The following ZNF385B variants were observed in gnomAD, a reference collection of about 807,000 sequenced individuals.
ZNF385B encodes the protein zinc finger protein 385B.
ZNF385B carries 23 observed loss-of-function variants against 39.2 expected under a neutral mutation model. The observed-to-expected ratio is 0.59, with a 90% CI of 0.42 to 0.83. The LOEUF is 0.83. Among genes scored for constraint, ZNF385B ranks in the 40% least tolerant of loss-of-function variants. The probability of loss-of-function intolerance (pLI) is 0.00; values close to 1 mark genes in which losing one functional copy is unlikely to be tolerated. For missense variants in ZNF385B, 552 were observed against 598.9 expected (o/e 0.92, Z 0.82); for synonymous variants, 205 against 222.6 (o/e 0.92, Z 0.70).
chr2:179,457,390 A>G (rs1463526130), intron 6 of ZNF385B, among the ~76,000 whole-genome samples: 3 of 152,220 alleles, frequency 2.0e-5, no homozygotes, highest in South Asian at 2.1e-4. Flanking sequence ...TGTTATGTAT[A>G]TATACATAGT....
At chr2:179,697,044 C>T (rs1292573367) in intron 3 of ZNF385B, among the ~76,000 whole-genome samples, 1 of 152,160 alleles carries the variant, frequency 6.6e-6, no homozygotes, top group African/African-American at 2.4e-5. Flanking sequence ...TTGGTATTTT[C>T]CAGAGATCTT....
intron 4 of ZNF385B, among the ~76,000 whole-genome samples, chr2:179,525,362 C>T (rs990040681): frequency 2.6e-5 from 4 of 152,148 alleles, no homozygotes; most frequent in African/African-American, 7.2e-5. Flanking sequence ...CCCATTACTT[C>T]CTGTGCAACT....
At chr2:179,747,364 T>C (rs1256665439) in intron 3 of ZNF385B, among the ~76,000 whole-genome samples, 4 of 152,138 alleles carry the variant, frequency 2.6e-5, no homozygotes, top group Non-Finnish European at 4.4e-5. Flanking sequence ...CGTATACATA[T>C]ACCTATGCCA....
rs117428688 is a variant in ZNF385B, at chr2:179,707,755, G to A, written c.298+61748C>T. ...GAAAGACAAAGGAGCCAAAGGAAAG[G>A]AGACAGCTAAAGGATCCACCAGGGT... On this transcript the variant is annotated intron_variant, in intron 3 of 9. Transcript: ENST00000410066. Among the ~76,000 whole-genome samples, 23 of 152,354 alleles carry A rather than the reference G, an allele frequency of 1.5e-4. No homozygotes were observed. The East Asian group carries it at 3.5e-3, about 23-fold the overall frequency.
At chr2:179,731,027 G>A (rs191914388) in intron 3 of ZNF385B, among the ~76,000 whole-genome samples, 1 of 152,170 alleles carries the variant, frequency 6.6e-6, no homozygotes, top group African/African-American at 2.4e-5. Context: ...ATAGATTAAG[G>A]CTTTGAAAAT....
chr2:179,469,325 G>C (rs185796975), intron 6 of ZNF385B, among the ~76,000 whole-genome samples: 78 of 152,296 alleles, frequency 5.1e-4, no homozygotes, highest in African/African-American at 1.8e-3. Flanking sequence ...ATCTCATAAT[G>C]TTTTAAGAAA....
chr2:179,634,520 T>A (rs995929522), intron 3 of ZNF385B, among the ~76,000 whole-genome samples: 4 of 152,136 alleles, frequency 2.6e-5, no homozygotes, highest in African/African-American at 9.7e-5. Flanking sequence ...CTCACAGTAG[T>A]TAGAATAGTA....
At chr2:179,822,179 A>T (rs1389571230) in intron 1 of ZNF385B, among the ~76,000 whole-genome samples, 1 of 152,230 alleles carries the variant, frequency 6.6e-6, no homozygotes, top group Non-Finnish European at 1.5e-5. Context: ...TCCATTGAGC[A>T]CAGGCTTTTG....
intron 3 of ZNF385B, among the ~76,000 whole-genome samples, chr2:179,618,300 GC>G: frequency 6.6e-6 from 1 of 152,234 alleles, no homozygotes; most frequent in East Asian, 1.9e-4. Context: ...TTATTTCTCA[GC>G]CCTACATACC....
intron 5 of ZNF385B, among the ~76,000 whole-genome samples, chr2:179,497,516 G>A (rs1365699432): frequency 1.3e-5 from 2 of 151,132 alleles, no homozygotes; most frequent in African/African-American, 2.4e-5. Context: ...GATACTATTT[G>A]CAAACCTCAT....
intron 3 of ZNF385B, among the ~76,000 whole-genome samples, chr2:179,705,814 T>A (rs919742572): frequency 6.6e-6 from 1 of 152,250 alleles, no homozygotes; most frequent in East Asian, 1.9e-4. Flanking sequence ...AGAGGATGAA[T>A]ACTAAACCAA....
chr2:179,820,436 A>G (rs1205857376), intron 1 of ZNF385B, among the ~76,000 whole-genome samples: 3 of 151,964 alleles, frequency 2.0e-5, no homozygotes, highest in African/African-American at 7.2e-5. Context: ...ATTTTAAACC[A>G]GGCTTAGTCA....
chr2:179,591,835 T>A (rs16866832), intron 3 of ZNF385B, among the ~76,000 whole-genome samples: 23,168 of 152,072 alleles, frequency 0.15, 2,080 homozygotes, highest in East Asian at 0.24. Flanking sequence ...GTAGGTTGAA[T>A]CTTGAGCTTC....
chr2:179,581,197 C>A (rs1316607471), intron 3 of ZNF385B, among the ~76,000 whole-genome samples: 1 of 152,160 alleles, frequency 6.6e-6, no homozygotes, highest in Non-Finnish European at 1.5e-5. Context: ...GAATTTACAA[C>A]TGTGCAACAA....
At chr2:179,464,019 C>G (rs1241977237) in intron 6 of ZNF385B, among the ~76,000 whole-genome samples, 1 of 152,138 alleles carries the variant, frequency 6.6e-6, no homozygotes, top group Admixed American at 6.5e-5. Context: ...CCTGTTGTTT[C>G]CTGACTTTTT....
intron 3 of ZNF385B, among the ~76,000 whole-genome samples, chr2:179,569,680 G>T (rs1433891148): frequency 2.6e-5 from 4 of 152,174 alleles, no homozygotes; most frequent in Non-Finnish European, 5.9e-5. Flanking sequence ...ACTATATAAG[G>T]TCTTTAAGTG....
chr2:179,795,797 T>C (rs1222532142), intron 1 of ZNF385B, among the ~76,000 whole-genome samples: 1 of 152,194 alleles, frequency 6.6e-6, no homozygotes, highest in African/African-American at 2.4e-5. Context: ...AAATTCCTGT[T>C]AGAAGTAATC....
At chr2:179,776,468 T>G (rs1704323834) in intron 1 of ZNF385B, among the ~76,000 whole-genome samples, 2 of 152,166 alleles carry the variant, frequency 1.3e-5, no homozygotes, top group South Asian at 4.1e-4. Flanking sequence ...GTCCATGAAC[T>G]CAGGGAACCC....
chr2:179,473,518 C>G (rs534896957), intron 6 of ZNF385B, among the ~76,000 whole-genome samples: 1 of 152,164 alleles, frequency 6.6e-6, no homozygotes, highest in Non-Finnish European at 1.5e-5. Flanking sequence ...GGTATTAGCA[C>G]TCCCATTTCT....
Sources: allele counts gnomAD v4.1 joint callset (sites outside exome capture counted in the v4.1 genomes callset), GRCh38; gene constraint gnomAD v4.1.1; transcripts MANE v1.5; gene names NCBI Gene and HGNC (gene_info 2026-07-23, HGNC 2026-07-21).